The following ATRNL1 variants were observed in gnomAD, a reference collection of about 807,000 sequenced individuals.
ATRNL1 encodes the protein attractin like 1.
Under a neutral mutation model 182.7 loss-of-function variants are expected in ATRNL1, and 95 were observed. The observed-to-expected ratio is 0.52, with a 90% CI of 0.44 to 0.62. ATRNL1 has a LOEUF of 0.62. Ranked by LOEUF, ATRNL1 falls within the 20% of genes least tolerant of loss-of-function variation. The pLI is 0.00. For missense variants in ATRNL1, 1,471 were observed against 1,679.5 expected, an observed-to-expected ratio of 0.88 and a Z score of 2.17; for synonymous variants, 576 against 568.3, an observed-to-expected ratio of 1.01 and a Z score of -0.19.
At chr10:115,228,544 T>C (rs78667494) in intron 9 of ATRNL1, among the ~76,000 whole-genome samples, 1,788 of 152,282 alleles carry the variant, frequency 0.012, 32 homozygotes, top group African/African-American at 0.04. Context: ...TGAAGACTTT[T>C]CTCTGATAGT....
intron 18 of ATRNL1, among the ~76,000 whole-genome samples, chr10:115,321,690 T>TG (rs34864390): frequency 6.7e-6 from 1 of 149,412 alleles, no homozygotes. Flanking sequence ...TTTTTTTTTT[T>TG]AAAGAACTGG....
chr10:115,323,406 TCCCC>T (rs1854688615), intron 18 of ATRNL1, among the ~76,000 whole-genome samples: 1 of 10,710 alleles, frequency 9.3e-5, no homozygotes, highest in Non-Finnish European at 1.6e-4. Flanking sequence ...GATTTCTCCC[TCCCC>T]TCCCCTCCCC....
intron 5 of ATRNL1, among the ~76,000 whole-genome samples, chr10:115,148,744 GTTTTTTT>G (rs71010009): frequency 3.4e-5 from 4 of 116,754 alleles, no homozygotes; most frequent in African/African-American, 6.4e-5. Flanking sequence ...GGCCAGATGC[GTTTTTTT>G]TTTTTTTTTT....
intron 10 of ATRNL1, among the ~76,000 whole-genome samples, chr10:115,250,667 C>T (rs1035596121): frequency 2.0e-5 from 3 of 152,160 alleles, no homozygotes; most frequent in Admixed American, 2.0e-4. Flanking sequence ...ATGGGAGTTG[C>T]AAGATGCATA....
intron 28 of ATRNL1, among the ~76,000 whole-genome samples, chr10:115,849,575 A>C (rs1951006656): frequency 6.6e-6 from 1 of 152,204 alleles, no homozygotes; most frequent in Non-Finnish European, 1.5e-5. Flanking sequence ...TAACAACTGC[A>C]TTATGATTAC....
rs369226527 is a variant in ATRNL1 at position 115,672,945 on chromosome 10, A to G, written c.3796-54303A>G. ...ACCCTCACCACACCTTGTTTTAGCA[A>G]CTTAGTTCATTGCCAAATCCTGCCA... On this transcript the variant is annotated intron_variant, in intron 26 of 28. Coordinates refer to ENST00000355044, the MANE Select transcript of ATRNL1 (RefSeq NM_207303.4). Among the ~76,000 whole-genome samples, 213 of 152,196 alleles carry G rather than the reference A, an allele frequency of 1.4e-3. 3 individuals are homozygous for G. In the South Asian group the frequency reaches 0.02, roughly 15 times the overall value.
intron 20 of ATRNL1, among the ~76,000 whole-genome samples, chr10:115,398,055 C>T (rs1434770701): frequency 6.6e-6 from 1 of 151,918 alleles, no homozygotes; most frequent in Non-Finnish European, 1.5e-5. Context: ...TGTGAAGCTC[C>T]TGGGAGCCAC....
chr10:115,566,974 A>C (rs1488584709), intron 26 of ATRNL1, among the ~76,000 whole-genome samples: 5 of 152,154 alleles, frequency 3.3e-5, no homozygotes, highest in Admixed American at 6.6e-5. Flanking sequence ...ATTACTAACA[A>C]CCGAAATTCA....
At chr10:115,245,290 A>T (rs1850580409) in intron 10 of ATRNL1, among the ~76,000 whole-genome samples, 1 of 151,800 alleles carries the variant, frequency 6.6e-6, no homozygotes, top group Non-Finnish European at 1.5e-5. Context: ...CCTGAGGTCG[A>T]GAGTTTGAGA....
intron 21 of ATRNL1, among the ~76,000 whole-genome samples, chr10:115,436,372 T>G (rs967774501): frequency 1.3e-5 from 2 of 152,254 alleles, no homozygotes; most frequent in Admixed American, 1.3e-4. Flanking sequence ...TCCATTCTTA[T>G]GTATTTAAAA....
At chr10:115,713,421 AAAC>A (rs1555055147) in intron 26 of ATRNL1, among the ~76,000 whole-genome samples, 1 of 122,540 alleles carries the variant, frequency 8.2e-6, no homozygotes, top group Non-Finnish European at 1.9e-5. Context: ...GAGAAAAACA[AAAC>A]AAGGAAGAGG....
chr10:115,628,501 A>G (rs1271497970), intron 26 of ATRNL1, among the ~76,000 whole-genome samples: 1 of 151,068 alleles, frequency 6.6e-6, no homozygotes, highest in African/African-American at 2.5e-5. Context: ...AATGATTTGC[A>G]AGTATTTTCT....
intron 10 of ATRNL1, among the ~76,000 whole-genome samples, chr10:115,262,346 A>G (rs781888053): frequency 6.6e-6 from 1 of 152,044 alleles, no homozygotes; most frequent in Non-Finnish European, 1.5e-5. Context: ...TAGTGCATTG[A>G]CATATACTTG....
intron 27 of ATRNL1, among the ~76,000 whole-genome samples, chr10:115,812,860 T>C (rs1299598758): frequency 6.6e-6 from 1 of 152,056 alleles, no homozygotes; most frequent in East Asian, 1.9e-4. Context: ...AAGAAGCTTT[T>C]CTTATATTTC....
Position 115,755,458 on chromosome 10 carries a change from G to A in ATRNL1, c.3903+28103G>A, listed in dbSNP as rs80291034. Among the ~76,000 whole-genome samples the A allele has an allele frequency of 9.9e-3, 1,498 of 152,076 alleles. 7 individuals carry two copies. The highest frequency in any genetic ancestry group is 0.034 in the Middle Eastern group (10 of 294). ...GGTTTTTGTCATTGGTTCTGTTTAT[G>A]TGATGTTTACCTTTATTGATTAGCG... On this transcript the variant is annotated intron_variant, in intron 27 of 28. Coordinates refer to ENST00000355044, the MANE Select transcript of ATRNL1 (RefSeq NM_207303.4).
At chr10:115,834,399 G>A (rs1187825120) in intron 27 of ATRNL1, among the ~76,000 whole-genome samples, 1 of 152,086 alleles carries the variant, frequency 6.6e-6, no homozygotes, top group Non-Finnish European at 1.5e-5. Flanking sequence ...ACTTCCCTAA[G>A]TTTAGTATAT....
At chr10:115,390,999 T>C (rs1341377843) in intron 19 of ATRNL1, among the ~76,000 whole-genome samples, 2 of 152,208 alleles carry the variant, frequency 1.3e-5, no homozygotes, top group African/African-American at 4.8e-5. Context: ...TGATTTTGTA[T>C]TCTTCAACTT....
chr10:115,861,707 C>T (rs782681118), intron 28 of ATRNL1, among the ~76,000 whole-genome samples: 10 of 151,994 alleles, frequency 6.6e-5, no homozygotes, highest in Non-Finnish European at 1.0e-4. Flanking sequence ...AAATTTGTTT[C>T]GGTCTTTTGT....
chr10:115,427,220 C>CT, intron 21 of ATRNL1, among the ~76,000 whole-genome samples: 1 of 152,166 alleles, frequency 6.6e-6, no homozygotes, highest in East Asian at 1.9e-4. Context: ...TTCCTAATTA[C>CT]TAATGATGTT....
Sources: allele counts gnomAD v4.1 joint callset (sites outside exome capture counted in the v4.1 genomes callset), GRCh38; gene constraint gnomAD v4.1.1; transcripts MANE v1.5; gene names NCBI Gene and HGNC (gene_info 2026-07-23, HGNC 2026-07-21).